Variants in PI4KA observed in about 807,000 individuals in gnomAD.
PI4KA encodes the protein PI4-kinase alpha.
A neutral mutation model predicts 271.4 loss-of-function variants in PI4KA; 122 were observed. That is an observed-to-expected ratio of 0.45 (90% CI 0.39 to 0.52). The LOEUF (loss-of-function observed/expected upper bound fraction) is 0.52. Among genes scored for constraint, PI4KA ranks in the 20% least tolerant of loss-of-function variants. PI4KA has a pLI of 0.00. For synonymous variants in PI4KA, 1,041 were observed against 1,078.8 expected, an observed-to-expected ratio of 0.96 and a Z score of 0.69; for missense variants, 1,969 against 2,769.1, an observed-to-expected ratio of 0.71 and a Z score of 6.48.
intron 45 of PI4KA, among the ~76,000 whole-genome samples, chr22:20,714,985 C>T (rs1284280191): frequency 6.6e-6 from 1 of 152,206 alleles, no homozygotes; most frequent in African/African-American, 2.4e-5. Context: ...CTCACGGATA[C>T]AGCCCTACTG....
chr22:20,721,490 G>A, intron 42 of PI4KA, 72 bp from the exon 43 acceptor site: 2 of 1,543,986 alleles, frequency 1.3e-6, no homozygotes, highest in East Asian at 2.3e-5. Flanking sequence ...AGCAGCTGCT[G>A]ACTCCCGGCA....
intron 53 of PI4KA, chr22:20,709,604 AG>A (rs1924982635): frequency 1.7e-6 from 1 of 578,592 alleles, no homozygotes; most frequent in Non-Finnish European, 3.1e-6. Flanking sequence ...CCATGGCATT[AG>A]GGGACTAAGC....
chr22:20,763,017 T>TGGGGGG (rs1227387739), intron 22 of PI4KA, among the ~76,000 whole-genome samples: 8 of 52,200 alleles, frequency 1.5e-4, no homozygotes, highest in Admixed American at 5.0e-4. Flanking sequence ...CTTTTTTTTT[T>TGGGGGG]GGGGGGGGGG....
chr22:20,833,152 G>T (rs182217585), intron 3 of PI4KA, among the ~76,000 whole-genome samples: 2 of 151,994 alleles, frequency 1.3e-5, no homozygotes, highest in Non-Finnish European at 2.9e-5. Context: ...ATTTTTGGGG[G>T]ACTAAGGCTC....
chr22:20,806,349 T>C (rs1350300938), intron 10 of PI4KA, among the ~76,000 whole-genome samples: 1 of 151,916 alleles, frequency 6.6e-6, no homozygotes, highest in Non-Finnish European at 1.5e-5. Context: ...AAATGCTAAA[T>C]TGTTGTGTGT....
intron 19 of PI4KA, among the ~76,000 whole-genome samples, chr22:20,777,113 C>T (rs532976481): frequency 3.5e-4 from 53 of 151,778 alleles, no homozygotes; most frequent in Non-Finnish European, 6.9e-4. Flanking sequence ...GCAGTAGTGG[C>T]GTGATCACGG....
At chr22:20,748,240 G>A (rs1187904612) in intron 28 of PI4KA, among the ~76,000 whole-genome samples, 2 of 152,322 alleles carry the variant, frequency 1.3e-5, no homozygotes, top group South Asian at 2.1e-4. Flanking sequence ...CAGTCACTGC[G>A]GTGTTGCACC....
At chr22:20,748,270 T>A (rs1206639087) in intron 28 of PI4KA, among the ~76,000 whole-genome samples, 1 of 152,188 alleles carries the variant, frequency 6.6e-6, no homozygotes, top group Admixed American at 6.5e-5. Flanking sequence ...AGAGGGCCAT[T>A]TATTCTTTCA....
chr22:20,794,620 A>G (rs1934869449), intron 18 of PI4KA, among the ~76,000 whole-genome samples: 1 of 152,158 alleles, frequency 6.6e-6, no homozygotes, highest in African/African-American at 2.4e-5. Context: ...GGACTCCTTC[A>G]TGCAGTTGTC....
intron 9 of PI4KA, among the ~76,000 whole-genome samples, chr22:20,810,452 T>C (rs1208005763): frequency 6.7e-6 from 1 of 150,144 alleles, no homozygotes; most frequent in Non-Finnish European, 1.5e-5. Context: ...GAGCTTGCAG[T>C]GAGCCGAGAT....
In PI4KA at chr22:20,802,042, A is replaced by G. The variant is rs777517925; in HGVS notation, c.1655T>C (p.Met552Thr). 2 of 1,614,128 alleles carry G rather than the reference A, an allele frequency of 1.2e-6. 1 individual carries two copies. The highest frequency in any genetic ancestry group is 2.2e-5 in the South Asian group (2 of 91,084). The change falls in exon 14 of 55, where the codon ATG becomes ACG. Residue 552 changes from methionine to threonine, a missense_variant. Met to Thr is a moderately conservative substitution (Grantham distance 81). Around this residue, in one of 13 missense-constraint regions of PI4KA, gnomAD observed 228 missense variants for 261.6 expected, o/e 0.87. Coordinates refer to ENST00000255882, the MANE Select transcript of PI4KA (RefSeq NM_058004.4). ...NEHSESTLNV[M>T]SGKKSQPSMY... ...GGAGGGCTGGCTCTTCTTACCCGAC[A>G]TGACGTTCAGGGTTGACTCGGAATG... is the stretch of plus-strand genomic sequence containing the variant.
chr22:20,858,622 A>G lies in PI4KA; in HGVS notation c.104T>C (p.Val35Ala), dbSNP rs1346766159. ...SASRGFYFNT[V>A]LSLARSLAVQ... ...CGCCAGGGAGCGGGCCAGTGACAGGACCGTGTTGAAATAGAAGCCCCGCGA... is the reference window on the plus strand; with the variant it reads ...CGCCAGGGAGCGGGCCAGTGACAGGGCCGTGTTGAAATAGAAGCCCCGCGA... The change falls in exon 1 of 55, where the codon GTC (valine) becomes GCC (alanine). Residue 35 changes from valine to alanine, a missense_variant. Coordinates refer to ENST00000255882, the MANE Select transcript of PI4KA (RefSeq NM_058004.4). 1 of 1,487,130 alleles carries G rather than the reference A, an allele frequency of 6.7e-7. No homozygotes were observed. Among genetic ancestry groups the G allele is most frequent in the African/African-American group, 1.5e-5 (1 of 68,920 alleles). 92.1% of individuals were successfully genotyped at this position (1,487,130 alleles called of 1,614,324 possible).
intron 19 of PI4KA, among the ~76,000 whole-genome samples, chr22:20,777,219 CTT>C (rs374097207): frequency 1.6e-4 from 22 of 140,954 alleles, no homozygotes; most frequent in Non-Finnish European, 1.6e-4. Context: ...TTTTTCTTTT[CTT>C]TTTTTTTTTT....
At chr22:20,801,288 A>T (rs1361348920) in intron 14 of PI4KA, among the ~76,000 whole-genome samples, 12 of 151,984 alleles carry the variant, frequency 7.9e-5, no homozygotes, top group Admixed American at 7.9e-4. Context: ...AACAAGCTTT[A>T]AAAAAGTATA....
chr22:20,713,482 G>A lies in PI4KA; in HGVS notation c.5462-92C>T, dbSNP rs1925594286. 3.1e-6 allele frequency: 3 copies of A among 961,078 alleles called. No homozygotes were observed. In the South Asian group the frequency reaches 4.4e-5, roughly 14 times the overall value. The allele number at this position is 961,078 out of a possible 1,614,324, so 59.5% of individuals were successfully genotyped here. A position where few individuals can be genotyped will look rare whatever the true frequency, so the allele number is the denominator to read the frequency against. On this transcript the variant is annotated intron_variant, in intron 47 of 54. Coordinates refer to ENST00000255882, the MANE Select transcript of PI4KA (RefSeq NM_058004.4). The stretch of plus-strand genomic sequence containing the variant: ...ATGAGTCCTCTCACATGCCTGAAAG[G>A]AACCCCAGCAATCTTGGGGATCACT...
intron 19 of PI4KA, among the ~76,000 whole-genome samples, chr22:20,785,656 A>G (rs183106782): frequency 2.0e-4 from 30 of 152,360 alleles, no homozygotes; most frequent in Admixed American, 2.0e-3. Context: ...TTACAAAAAA[A>G]AAACCAAATG....
chr22:20,786,892 G>T, intron 19 of PI4KA: 1 of 1,614,148 alleles, frequency 6.2e-7, no homozygotes, highest in Non-Finnish European at 8.5e-7. Context: ...ACCAAGGCAC[G>T]ATCACAGTGA....
At position 20,729,998 on chromosome 22, in the gene PI4KA, G is replaced by A; in HGVS notation, c.4302C>T (p.Thr1434=). 1 of 1,614,138 alleles carries A rather than the reference G, an allele frequency of 6.2e-7. No homozygotes were observed. The highest frequency in any genetic ancestry group is 1.7e-5 in the Admixed American group (1 of 60,008). Reference sequence around the variant, plus strand: ...CGACAGTTATGTCCAGGTTGCTCCGGGTGTCCTGATTATCTGAGGGCAAAC... The same window carrying A: ...CGACAGTTATGTCCAGGTTGCTCCGAGTGTCCTGATTATCTGAGGGCAAAC... ...SQLVPPDNQD[T]RSNLDITVGS... is the part of the protein sequence containing the mutation. Residue 1434 remains threonine, a synonymous_variant, in exon 37 of 55, where the codon ACC becomes ACT. Transcript: ENST00000255882.
intron 29 of PI4KA, among the ~76,000 whole-genome samples, chr22:20,744,928 G>A (rs75080949): frequency 6.6e-6 from 1 of 151,940 alleles, no homozygotes; most frequent in Non-Finnish European, 1.5e-5. Flanking sequence ...AAAAAAAAAA[G>A]TCTCTGGAAG....
Sources: allele counts gnomAD v4.1 joint callset (sites outside exome capture counted in the v4.1 genomes callset), GRCh38; gene constraint gnomAD v4.1.1; regional missense constraint gnomAD v4.1.1; transcripts MANE v1.5; gene names NCBI Gene and HGNC (gene_info 2026-07-23, HGNC 2026-07-21).